Variants in SUDS3 observed in about 807,000 individuals in gnomAD.
SUDS3 encodes the protein SIN3A corepressor complex component SDS3.
Under a neutral mutation model 53.5 loss-of-function variants are expected in SUDS3, and 23 were observed. That is an observed-to-expected ratio of 0.43 (90% confidence interval 0.31 to 0.61). The LOEUF (loss-of-function observed/expected upper bound fraction) is 0.61, where lower values mean the gene tolerates loss of function less well. Among genes scored for constraint, SUDS3 ranks in the 20% least tolerant of loss-of-function variants. The pLI is 0.10. For synonymous variants in SUDS3, 150 were observed against 148.5 expected (o/e 1.01, Z -0.08); for missense variants, 291 against 405.9 (o/e 0.72, Z 2.43).
intron 3 of SUDS3, among the ~76,000 whole-genome samples, chr12:118,384,425 C>G (rs897850363): frequency 6.6e-6 from 1 of 152,150 alleles, no homozygotes; most frequent in Non-Finnish European, 1.5e-5. Context: ...ATGTTAATGA[C>G]CTTGTGGATT....
intron 2 of SUDS3, among the ~76,000 whole-genome samples, chr12:118,381,703 G>A (rs1392296689): frequency 6.6e-6 from 1 of 152,110 alleles, no homozygotes; most frequent in Non-Finnish European, 1.5e-5. Context: ...TGACTCTCAG[G>A]CCAGTGCTCT....
At chr12:118,378,306 T>TCTGC in intron 1 of SUDS3, among the ~76,000 whole-genome samples, 1 of 152,318 alleles carries the variant, frequency 6.6e-6, no homozygotes, top group Admixed American at 6.5e-5. Flanking sequence ...TACAGTTGGC[T>TCTGC]CTGCGTATCT....
rs773403175 is a variant in SUDS3 at position 118,402,025 on chromosome 12, C to T, written c.697+21C>T. On this transcript the variant is annotated intron_variant, in intron 9 of 11. Coordinates refer to ENST00000543473, the MANE Select transcript of SUDS3 (RefSeq NM_022491.3). ...ACCAGGTGAGTGCATGATGTGTTGG[C>T]ATTTGTGCAACCTTTTTATCATGTT... 5.0e-6 allele frequency: 8 copies of T among 1,613,570 alleles called. No individual in the cohort carries two copies. In the South Asian group the frequency reaches 8.8e-5, roughly 18 times the overall value.
intron 1 of SUDS3, among the ~76,000 whole-genome samples, chr12:118,377,618 T>C (rs993072538): frequency 6.6e-6 from 1 of 150,634 alleles, no homozygotes; most frequent in Admixed American, 6.6e-5. Flanking sequence ...CATCACAGAG[T>C]CTCAGAGCCT....
intron 10 of SUDS3, among the ~76,000 whole-genome samples, chr12:118,407,867 C>T (rs959924370): frequency 1.3e-5 from 2 of 150,876 alleles, no homozygotes; most frequent in Admixed American, 6.6e-5. Context: ...TACAGGCACA[C>T]GCCAATATGC....
chr12:118,403,606 G>A (rs1041855672), intron 10 of SUDS3, 89 bp downstream of exon 10: 25 of 1,021,764 alleles, frequency 2.4e-5, no homozygotes, highest in African/African-American at 8.0e-5. Flanking sequence ...TTCAGATCAC[G>A]GCTGCTGCTA....
chr12:118,409,108 GC>G (rs1273740783), intron 10 of SUDS3, among the ~76,000 whole-genome samples: 2 of 151,032 alleles, frequency 1.3e-5, no homozygotes, highest in Non-Finnish European at 3.0e-5. Context: ...TTTAAAACTT[GC>G]ATTTAAACCA....
chr12:118,417,422 T>C lies in SUDS3; in HGVS notation c.*2989T>C, dbSNP rs1351746207. 1.3e-5 allele frequency: 2 copies of C among 152,192 alleles called. No individual in the cohort carries two copies. Among genetic ancestry groups the C allele is most frequent in the African/African-American group, 4.8e-5 (2 of 41,446 alleles). The allele number at this position is 152,192 out of a possible 1,614,324, so 9.4% of individuals were successfully genotyped here. A position where few individuals can be genotyped will look rare whatever the true frequency, so the allele number is the denominator to read the frequency against. On this transcript the variant is annotated 3_prime_UTR_variant, in exon 12 of 12. Transcript: ENST00000543473. ...TTTTTACAGTTTTTTGGGTTTGGCT[T>C]CCTTCTCACATTTCTTTAGCTTTGA...
intron 11 of SUDS3, among the ~76,000 whole-genome samples, chr12:118,413,198 T>C (rs541871400): frequency 9.2e-5 from 14 of 152,298 alleles, no homozygotes; most frequent in African/African-American, 3.4e-4. Context: ...ATTAAAGAAA[T>C]TGAGATGAAA....
At chr12:118,394,133 A>T (rs762564888) in intron 6 of SUDS3, among the ~76,000 whole-genome samples, 1 of 152,212 alleles carries the variant, frequency 6.6e-6, no homozygotes, top group Non-Finnish European at 1.5e-5. Context: ...TTGCAGGCTG[A>T]TGGTCCAGGG....
In SUDS3 at chr12:118,391,150, A is replaced by T; in HGVS notation, c.385A>T (p.Ile129Phe). 1 of 1,613,610 alleles carries T rather than the reference A, an allele frequency of 6.2e-7. No homozygotes were observed. The highest frequency in any genetic ancestry group is 8.5e-7 in the Non-Finnish European group (1 of 1,179,820). The change falls in exon 6 of 12, where the codon ATT (isoleucine) becomes TTT (phenylalanine). Residue 129 changes from isoleucine (I) to phenylalanine (F), a missense_variant. Coordinates refer to ENST00000543473, the MANE Select transcript of SUDS3 (RefSeq NM_022491.3). ...GACTGAACAAGTGGAACGAAATTAC[A>T]TTAAAGAAAAGAAGGCAGCAGTGAA... is the stretch of plus-strand genomic sequence containing the variant. ...LETEQVERNY[I>F]KEKKAAVKEF... is the part of the protein sequence containing the mutation.
rs1491473858 is a variant in SUDS3, at chr12:118,410,580, T to TTTATTTATTTATTTTA, written c.804-491_804-490insATTTATTTATTTTATT. On this transcript the variant is annotated intron_variant, in intron 10 of 11. Coordinates refer to ENST00000543473, the MANE Select transcript of SUDS3 (RefSeq NM_022491.3). ...CTTTATTTATTTATTTATTTATTTA[T>TTTATTTATTTATTTTA]TTTATTTATTTATTTATTTATTTAT... 1.0e-4 allele frequency among the ~76,000 whole-genome samples: 14 copies of TTTATTTATTTATTTTA among 133,610 alleles called. No homozygotes were observed. In the East Asian group the frequency reaches 2.1e-3, roughly 20 times the overall value. 87.7% of individuals were successfully genotyped at this position (133,610 alleles called of 152,430 possible). A position where few individuals can be genotyped will look rare whatever the true frequency, so the allele number is the denominator to read the frequency against.
At chr12:118,390,252 C>T (rs2046153299) in intron 5 of SUDS3, among the ~76,000 whole-genome samples, 1 of 152,174 alleles carries the variant, frequency 6.6e-6, no homozygotes. Context: ...GATATTGGTC[C>T]TTGAAGCAGT....
At chr12:118,394,348 G>A (rs1335396471) in intron 6 of SUDS3, among the ~76,000 whole-genome samples, 1 of 152,160 alleles carries the variant, frequency 6.6e-6, no homozygotes, top group Admixed American at 6.5e-5. Flanking sequence ...GACCTTGGGG[G>A]TATCGCTTCT....
chr12:118,393,997 C>T (rs2046191742), intron 6 of SUDS3, among the ~76,000 whole-genome samples: 1 of 152,098 alleles, frequency 6.6e-6, no homozygotes, highest in African/African-American at 2.4e-5. Context: ...TAACCACCTT[C>T]CCCAGGGGTC....
rs151118876 is a variant in SUDS3, at chr12:118,391,098, TC to T, written c.361-25del. The T allele has an allele frequency of 4.4e-4, 713 of 1,611,044 alleles. 2 individuals are homozygous for T. The highest frequency in any genetic ancestry group is 2.2e-3 in the Admixed American group (131 of 59,446). ...AGCCCTGGCTCCCAGGGCTGTGTAC[TC>T]CCAGCCCGTGTTTCTCTTTTGCTCA... is the stretch of plus-strand genomic sequence containing the variant. On this transcript the variant is annotated intron_variant, in intron 5 of 11. Coordinates refer to ENST00000543473, the MANE Select transcript of SUDS3 (RefSeq NM_022491.3).
Position 118,408,593 on chromosome 12 carries a change from C to T in SUDS3, c.804-2480C>T, listed in dbSNP as rs187109721. ...AAGTGATCCACCCACCTCGGCCTCC[C>T]GCAGTGCTGGGATTACAGGCGTGAG... On this transcript the variant is annotated intron_variant, in intron 10 of 11. Coordinates refer to ENST00000543473, the MANE Select transcript of SUDS3 (RefSeq NM_022491.3). Among the ~76,000 whole-genome samples the T allele has an allele frequency of 2.9e-3, 445 of 152,290 alleles. 2 individuals are homozygous for T. The highest frequency in any genetic ancestry group is 9.8e-3 in the African/African-American group (409 of 41,562).
intron 9 of SUDS3, 141 bp from the exon 10 acceptor site, chr12:118,403,271 T>C (rs2046279991): frequency 2.9e-6 from 2 of 700,532 alleles, no homozygotes; most frequent in East Asian, 2.7e-5. Flanking sequence ...AGAGTTTTGC[T>C]GAAATCCCAT....
chr12:118,383,935 A>C, intron 2 of SUDS3, 77 bp from the exon 3 acceptor site: 1 of 1,339,672 alleles, frequency 7.5e-7, no homozygotes, highest in Non-Finnish European at 1.0e-6. Flanking sequence ...CAGCCCAGCT[A>C]ATTTCTGTGA....
Sources: gnomAD v4.1 joint callset for allele counts (sites outside exome capture counted in the v4.1 genomes callset) on GRCh38, gnomAD v4.1.1 for gene constraint, MANE v1.5 for transcripts, NCBI Gene and HGNC (gene_info 2026-07-23, HGNC 2026-07-21) for gene names.